The following COPA variants were observed in gnomAD, a reference collection of about 807,000 sequenced individuals.
COPA encodes the protein coat protein complex I subunit alpha.
Under a neutral mutation model 158.7 loss-of-function variants are expected in COPA, and 10 were observed. That is an observed-to-expected ratio of 0.06 (90% CI 0.04 to 0.11). The LOEUF is 0.11. Ranked by LOEUF, COPA falls within the 10% of genes least tolerant of loss-of-function variation. The probability of loss-of-function intolerance (pLI) is 1.00; values close to 1 mark genes in which losing one functional copy is unlikely to be tolerated. For missense variants in COPA, 1,065 were observed against 1,536.7 expected (o/e 0.69, Z 5.13); for synonymous variants, 462 against 542.8 (o/e 0.85, Z 2.07).
intron 9 of COPA, 28 bp from the exon 10 acceptor site, chr1:160,313,195 A>G: frequency 6.3e-7 from 1 of 1,594,650 alleles, no homozygotes; most frequent in Non-Finnish European, 8.6e-7. Flanking sequence ...AAAGAAAAAC[A>G]TTAATTTCCT....
chr1:160,300,393 A>G (rs1334337621), intron 17 of COPA, among the ~76,000 whole-genome samples: 1 of 148,860 alleles, frequency 6.7e-6, no homozygotes. Context: ...ATAAATAAAT[A>G]GAAGGATCAA....
At chr1:160,309,011 T>C (rs1298104685) in intron 13 of COPA, 90 bp downstream of exon 13, 2 of 1,022,396 alleles carry the variant, frequency 2.0e-6, no homozygotes, top group Non-Finnish European at 3.1e-6. Context: ...GGCCATGGCT[T>C]GGGGATGGAA....
chr1:160,314,156 A>G, intron 8 of COPA, 31 bp from the exon 9 acceptor site: 2 of 1,601,210 alleles, frequency 1.2e-6, no homozygotes, highest in Non-Finnish European at 1.7e-6. Context: ...GGTCATCACA[A>G]TTCCCTACTA....
At chr1:160,310,812 A>C (rs1176129851) in intron 11 of COPA, among the ~76,000 whole-genome samples, 1 of 152,112 alleles carries the variant, frequency 6.6e-6, no homozygotes, top group Non-Finnish European at 1.5e-5. Flanking sequence ...CAGAATTAAG[A>C]GTTTCCAGGG....
At position 160,316,674 on chromosome 1, in the gene COPA, C is replaced by T. The variant is rs528685318; in HGVS notation, c.707-2549G>A. On this transcript the variant is annotated intron_variant, in intron 8 of 32. Coordinates refer to ENST00000241704, the MANE Select transcript of COPA (RefSeq NM_004371.4). ...CTGAGGGAGGAGAATCACTTGAACT[C>T]GGGAGGCGGAGGTCATGGTGAGCTG... Among the ~76,000 whole-genome samples the T allele has an allele frequency of 8.0e-5, 12 of 150,924 alleles. No individual in the cohort carries two copies. In the South Asian group the frequency reaches 1.9e-3, roughly 24 times the overall value.
intron 8 of COPA, among the ~76,000 whole-genome samples, chr1:160,323,173 C>G (rs1258068512): frequency 1.3e-5 from 2 of 151,470 alleles, no homozygotes; most frequent in South Asian, 2.1e-4. Context: ...TTATTAAGAT[C>G]GAGAGTAGAA....
intron 4 of COPA, among the ~76,000 whole-genome samples, chr1:160,334,207 T>G (rs969416405): frequency 1.3e-5 from 2 of 152,202 alleles, no homozygotes; most frequent in Non-Finnish European, 2.9e-5. Context: ...TATTTACACT[T>G]CCTTCTTACT....
intron 25 of COPA, among the ~76,000 whole-genome samples, chr1:160,293,723 T>G (rs1658314957): frequency 1.3e-5 from 2 of 152,110 alleles, no homozygotes; most frequent in Non-Finnish European, 2.9e-5. Context: ...CTCCAACTCC[T>G]GAGTTCAAGT....
rs113877217 is a variant in COPA, at chr1:160,316,906, C to T, written c.707-2781G>A. ...GCCTGAGAACACCAAACAGGTCCAACCCAAGTAAGACTACCCTAAGGCATA... is the reference window on the plus strand; with the variant it reads ...GCCTGAGAACACCAAACAGGTCCAATCCAAGTAAGACTACCCTAAGGCATA... On this transcript the variant is annotated intron_variant, in intron 8 of 32. Transcript: ENST00000241704. Among the ~76,000 whole-genome samples the T allele has an allele frequency of 4.9e-3, 751 of 152,176 alleles. 11 individuals are homozygous for T. Among genetic ancestry groups the T allele is most frequent in the African/African-American group, 0.017 (713 of 41,504 alleles).
intron 9 of COPA, 71 bp from the exon 10 acceptor site, chr1:160,313,238 T>A: frequency 1.5e-6 from 2 of 1,362,778 alleles, no homozygotes; most frequent in Non-Finnish European, 2.1e-6. Context: ...ACAAGAATAT[T>A]AAATGGTAAG....
At chr1:160,334,426 GT>G (rs1241994190) in intron 4 of COPA, among the ~76,000 whole-genome samples, 6 of 152,114 alleles carry the variant, frequency 3.9e-5, no homozygotes, top group Non-Finnish European at 5.9e-5. Context: ...TCTTCAGGAA[GT>G]CCTTTATGGC....
chr1:160,310,064 C>A, intron 12 of COPA, 128 bp downstream of exon 12: 1 of 524,288 alleles, frequency 1.9e-6, no homozygotes, highest in Non-Finnish European at 3.3e-6. Flanking sequence ...TCTGAGTGAT[C>A]ACTGTGTCAG....
At chr1:160,318,492 C>CAAAAAAA (rs1184111001) in intron 8 of COPA, among the ~76,000 whole-genome samples, 1 of 58,076 alleles carries the variant, frequency 1.7e-5, no homozygotes, top group Non-Finnish European at 2.8e-5. Flanking sequence ...AAAAAAAAAA[C>CAAAAAAA]AAAAAAAAAA....
At chr1:160,339,691 G>T in intron 3 of COPA, 2 of 481,278 alleles carry the variant, frequency 4.2e-6, no homozygotes, top group South Asian at 3.0e-5. Context: ...GAAAACAGAA[G>T]CCATTTCTTA....
At chr1:160,335,844 A>G (rs929773634) in intron 3 of COPA, among the ~76,000 whole-genome samples, 1 of 139,826 alleles carries the variant, frequency 7.2e-6, no homozygotes, top group African/African-American at 2.7e-5. Flanking sequence ...AAATCATGCC[A>G]TTGTACTCCA....
rs1482179540 is a variant in COPA at position 160,288,967 on chromosome 1, CTTT to C, written c.*1187_*1189del. On this transcript the variant is annotated 3_prime_UTR_variant, in exon 33 of 33. Transcript: ENST00000241704. ...TATACCCTATGAAAAACATGTGCTT[CTTT>C]TTTTCTTTCTTTTTTTTTGAGATGG... is the stretch of plus-strand genomic sequence containing the variant. Among the ~76,000 whole-genome samples the C allele has an allele frequency of 6.6e-6, 1 of 151,660 alleles. No individual in the cohort carries two copies. The highest frequency in any genetic ancestry group is 2.4e-5 in the African/African-American group (1 of 41,038).
intron 6 of COPA, among the ~76,000 whole-genome samples, chr1:160,328,588 G>C (rs1647361962): frequency 6.6e-6 from 1 of 152,210 alleles, no homozygotes; most frequent in Non-Finnish European, 1.5e-5. Context: ...AGGAAAAAGA[G>C]AGGGATGATA....
intron 3 of COPA, among the ~76,000 whole-genome samples, chr1:160,336,434 G>A (rs904803491): frequency 4.6e-5 from 7 of 151,844 alleles, no homozygotes; most frequent in African/African-American, 7.3e-5. Context: ...GGCAAACAAC[G>A]CCCATACATG....
At chr1:160,327,392 T>C (rs763755517) in intron 6 of COPA, among the ~76,000 whole-genome samples, 5 of 138,944 alleles carry the variant, frequency 3.6e-5, no homozygotes, top group Non-Finnish European at 7.7e-5. Context: ...CAAAAATTAG[T>C]CGGGCATGAC....
Sources: allele counts gnomAD v4.1 joint callset (sites outside exome capture counted in the v4.1 genomes callset), GRCh38; gene constraint gnomAD v4.1.1; transcripts MANE v1.5; gene names NCBI Gene and HGNC (gene_info 2026-07-23, HGNC 2026-07-21).